Variants in KCNIP4 observed in about 807,000 individuals in gnomAD.
KCNIP4 encodes potassium voltage-gated channel interacting protein 4, also known as Kv channel-interacting protein 4.
In KCNIP4, 12 loss-of-function variants were observed where a neutral mutation model predicts 34.0. The observed-to-expected ratio is 0.35, with a 90% CI of 0.23 to 0.57. The LOEUF (loss-of-function observed/expected upper bound fraction) is 0.57. Ranked by LOEUF, KCNIP4 falls within the 20% of genes least tolerant of loss-of-function variation. The pLI, the probability that KCNIP4 is intolerant of heterozygous loss-of-function variation, is 0.83. For missense variants in KCNIP4, 238 were observed against 311.7 expected (o/e 0.76, Z 1.78); for synonymous variants, 124 against 102.2 (o/e 1.21, Z -1.29).
chr4:20,862,297 A>AT (rs1281207378), intron 2 of KCNIP4, among the ~76,000 whole-genome samples: 1 of 152,018 alleles, frequency 6.6e-6, no homozygotes, highest in Admixed American at 6.6e-5. Flanking sequence ...ATGAGTTATT[A>AT]TTTTTTAGGT....
chr4:21,917,575 C>T (rs967843494), intron 1 of KCNIP4, among the ~76,000 whole-genome samples: 1 of 152,140 alleles, frequency 6.6e-6, no homozygotes, highest in Non-Finnish European at 1.5e-5. Flanking sequence ...ATCCAAAGAG[C>T]TACTAAGGGG....
intron 1 of KCNIP4, among the ~76,000 whole-genome samples, chr4:21,944,513 C>T (rs986932791): frequency 2.1e-4 from 31 of 146,400 alleles, no homozygotes; most frequent in African/African-American, 6.9e-4. Context: ...GCCAAGGTCA[C>T]GCCACTGCAC....
At chr4:20,994,281 A>C (rs1737343715) in intron 1 of KCNIP4, among the ~76,000 whole-genome samples, 1 of 152,180 alleles carries the variant, frequency 6.6e-6, no homozygotes, top group Non-Finnish European at 1.5e-5. Context: ...ACTCTTTAAG[A>C]AGAAAAAAGA....
intron 2 of KCNIP4, among the ~76,000 whole-genome samples, chr4:20,859,069 C>G (rs999630898): frequency 6.6e-6 from 1 of 152,274 alleles, no homozygotes; most frequent in East Asian, 1.9e-4. Context: ...GGCTGCTGAG[C>G]CTCCAATGCC....
chr4:21,499,788 T>C (rs1733158527), intron 1 of KCNIP4, among the ~76,000 whole-genome samples: 1 of 152,144 alleles, frequency 6.6e-6, no homozygotes, highest in Admixed American at 6.6e-5. Context: ...CACATTATAA[T>C]TTTGCATAGA....
intron 1 of KCNIP4, among the ~76,000 whole-genome samples, chr4:20,968,004 C>T (rs182079802): frequency 0.017 from 2,544 of 151,818 alleles, 71 homozygotes; most frequent in African/African-American, 0.058. Context: ...ACCTACAGAA[C>T]GGGAGAAAAT....
intron 1 of KCNIP4, among the ~76,000 whole-genome samples, chr4:21,132,012 G>A (rs1343958822): frequency 1.3e-5 from 2 of 152,152 alleles, no homozygotes; most frequent in African/African-American, 2.4e-5. Context: ...GTAATGAGGA[G>A]GGCGTGTGAT....
chr4:21,077,915 G>T (rs866671263), intron 1 of KCNIP4, among the ~76,000 whole-genome samples: 1 of 152,066 alleles, frequency 6.6e-6, no homozygotes, highest in Non-Finnish European at 1.5e-5. Context: ...GTAAAAGAGG[G>T]CACTTAACAA....
chr4:21,006,831 G>A (rs368726882), intron 1 of KCNIP4, among the ~76,000 whole-genome samples: 3 of 152,144 alleles, frequency 2.0e-5, no homozygotes, highest in South Asian at 4.1e-4. Context: ...TTGTCATGGC[G>A]GACCTAACTT....
At chr4:20,984,938 A>G (rs915947860) in intron 1 of KCNIP4, among the ~76,000 whole-genome samples, 16 of 152,184 alleles carry the variant, frequency 1.1e-4, no homozygotes, top group African/African-American at 3.9e-4. Context: ...ACTCTTATCA[A>G]CTGGGAAGTG....
At chr4:21,425,824 C>A (rs1441321478) in intron 1 of KCNIP4, among the ~76,000 whole-genome samples, 1 of 152,096 alleles carries the variant, frequency 6.6e-6, no homozygotes, top group Non-Finnish European at 1.5e-5. Context: ...CCGAGGCAGT[C>A]AGATCGCTTA....
intron 1 of KCNIP4, among the ~76,000 whole-genome samples, chr4:21,876,709 T>C (rs918558343): frequency 2.0e-5 from 3 of 152,212 alleles, no homozygotes; most frequent in South Asian, 2.1e-4. Context: ...TTTGAAGTGA[T>C]TGACAGGATG....
At chr4:21,213,464 G>C (rs1263618638) in intron 1 of KCNIP4, among the ~76,000 whole-genome samples, 4 of 151,942 alleles carry the variant, frequency 2.6e-5, no homozygotes, top group African/African-American at 7.3e-5. Flanking sequence ...ACCATGCCCA[G>C]CTAATTTTTG....
intron 1 of KCNIP4, among the ~76,000 whole-genome samples, chr4:21,127,928 C>T (rs571708553): frequency 6.6e-6 from 1 of 152,308 alleles, no homozygotes; most frequent in African/African-American, 2.4e-5. Context: ...TCATTATCTG[C>T]CTCAATCAAT....
chr4:21,099,415 GAACAC>G (rs1747746449), intron 1 of KCNIP4, among the ~76,000 whole-genome samples: 2 of 152,094 alleles, frequency 1.3e-5, no homozygotes, highest in South Asian at 4.1e-4. Context: ...TGAATGATGA[GAACAC>G]ATGGACACAT....
intron 3 of KCNIP4, among the ~76,000 whole-genome samples, chr4:20,760,868 G>T (rs1454659637): frequency 2.0e-5 from 3 of 152,210 alleles, no homozygotes; most frequent in African/African-American, 7.2e-5. Context: ...CAAGTGAACT[G>T]TGATGGTTGA....
intron 1 of KCNIP4, among the ~76,000 whole-genome samples, chr4:21,386,112 A>T (rs928566199): frequency 6.6e-5 from 10 of 152,334 alleles, no homozygotes; most frequent in African/African-American, 2.2e-4. Context: ...AACAATAAAG[A>T]AATTAACTAA....
intron 1 of KCNIP4, among the ~76,000 whole-genome samples, chr4:21,249,648 C>A (rs1760544274): frequency 6.6e-6 from 1 of 151,984 alleles, no homozygotes; most frequent in African/African-American, 2.4e-5. Context: ...TGATTCTCTG[C>A]TCAGCAGTGG....
chr4:21,769,278 C>T (rs1174419100), intron 1 of KCNIP4, among the ~76,000 whole-genome samples: 3 of 151,794 alleles, frequency 2.0e-5, no homozygotes, highest in Non-Finnish European at 1.5e-5. Flanking sequence ...ATCTATTAAC[C>T]GTTTCTATTT....
Sources: allele counts gnomAD v4.1 joint callset (sites outside exome capture counted in the v4.1 genomes callset), GRCh38; gene constraint gnomAD v4.1.1; transcripts MANE v1.5; gene names NCBI Gene and HGNC (gene_info 2026-07-23, HGNC 2026-07-21).